Variants in COL14A1 observed in about 807,000 individuals in gnomAD.
COL14A1 encodes the protein collagen alpha-1(XIV) chain.
A neutral mutation model predicts 230.3 loss-of-function variants in COL14A1; 136 were observed. That is an observed-to-expected ratio of 0.59 (90% CI 0.51 to 0.68). The LOEUF (loss-of-function observed/expected upper bound fraction) is 0.68. COL14A1 is among the 30% of genes least tolerant of loss of function. The pLI, the probability that COL14A1 is intolerant of heterozygous loss-of-function variation, is 0.00. For missense variants in COL14A1, 1,976 were observed against 2,215.8 expected, an observed-to-expected ratio of 0.89 and a Z score of 2.17; for synonymous variants, 792 against 784.1, an observed-to-expected ratio of 1.01 and a Z score of -0.17.
chr8:120,308,528 C>T lies in COL14A1; in HGVS notation c.4402-1481C>T, dbSNP rs796672953. Reference sequence around the variant, plus strand: ...TACACAGCAAATAATACAGTAATACCACGGGCAGTATTTTGTATAGATATA... The same window carrying T: ...TACACAGCAAATAATACAGTAATACTACGGGCAGTATTTTGTATAGATATA... On this transcript the variant is annotated intron_variant, in intron 36 of 47. Coordinates refer to ENST00000297848, the MANE Select transcript of COL14A1 (RefSeq NM_021110.4). Among the ~76,000 whole-genome samples, 25 of 152,182 alleles carry T rather than the reference C, an allele frequency of 1.6e-4. 1 individual carries two copies. The highest frequency in any genetic ancestry group is 6.0e-4 in the African/African-American group (25 of 41,516).
chr8:120,131,627 T>C (rs1161405467), intron 1 of COL14A1, among the ~76,000 whole-genome samples: 4 of 152,100 alleles, frequency 2.6e-5, no homozygotes, highest in Non-Finnish European at 5.9e-5. Flanking sequence ...GTTGGGTCCA[T>C]ACTTTGCAAA....
At chr8:120,212,383 T>C in intron 12 of COL14A1, 65 bp from the exon 13 acceptor site, 1 of 1,564,954 alleles carries the variant, frequency 6.4e-7, no homozygotes, top group Non-Finnish European at 8.7e-7. Flanking sequence ...CTTTGTTCTG[T>C]TCCACTCTGA....
At chr8:120,196,568 C>T (rs1817045741) in intron 5 of COL14A1, among the ~76,000 whole-genome samples, 1 of 152,154 alleles carries the variant, frequency 6.6e-6, no homozygotes, top group Non-Finnish European at 1.5e-5. Flanking sequence ...TGTGAACCTG[C>T]CCAGTATTTT....
At chr8:120,302,941 A>G (rs1820761092) in intron 36 of COL14A1, among the ~76,000 whole-genome samples, 1 of 152,116 alleles carries the variant, frequency 6.6e-6, no homozygotes, top group South Asian at 2.1e-4. Flanking sequence ...TTCTCATTGT[A>G]GAGATCTTTC....
At chr8:120,281,613 A>G (rs1026309022) in intron 31 of COL14A1, among the ~76,000 whole-genome samples, 1 of 151,688 alleles carries the variant, frequency 6.6e-6, no homozygotes, top group Non-Finnish European at 1.5e-5. Flanking sequence ...ACTCCCAGCC[A>G]TCTTTCTAAA....
At chr8:120,231,117 C>T (rs1818254770) in intron 18 of COL14A1, among the ~76,000 whole-genome samples, 1 of 152,094 alleles carries the variant, frequency 6.6e-6, no homozygotes, top group Non-Finnish European at 1.5e-5. Flanking sequence ...GTCCACAGAG[C>T]ACTAGTGTGA....
intron 23 of COL14A1, 129 bp downstream of exon 23, chr8:120,255,485 C>A: frequency 1.3e-6 from 1 of 744,178 alleles, no homozygotes. Context: ...TTGTATTGGT[C>A]AGTCATGCTG....
At chr8:120,327,951 A>G (rs1474374352) in intron 40 of COL14A1, among the ~76,000 whole-genome samples, 1 of 151,812 alleles carries the variant, frequency 6.6e-6, no homozygotes, top group Non-Finnish European at 1.5e-5. Flanking sequence ...TTTAGTAGAG[A>G]CAGGGTTTCA....
intron 14 of COL14A1, among the ~76,000 whole-genome samples, chr8:120,224,759 C>T (rs1020880202): frequency 5.9e-5 from 9 of 152,110 alleles, no homozygotes; most frequent in African/African-American, 2.2e-4. Flanking sequence ...CCAGGAGAGC[C>T]CACGCAGTGA....
intron 5 of COL14A1, among the ~76,000 whole-genome samples, chr8:120,193,097 G>A (rs551628889): frequency 3.3e-5 from 5 of 152,290 alleles, no homozygotes; most frequent in Admixed American, 6.5e-5. Flanking sequence ...GAGGAACTGC[G>A]TTCCTTTGGA....
chr8:120,331,347 T>A (rs1360081590), intron 40 of COL14A1, among the ~76,000 whole-genome samples: 1 of 152,168 alleles, frequency 6.6e-6, no homozygotes, highest in Non-Finnish European at 1.5e-5. Flanking sequence ...TTTACGAAAT[T>A]TTATGAATAT....
At chr8:120,136,615 A>G (rs1230761059) in intron 1 of COL14A1, among the ~76,000 whole-genome samples, 1 of 152,058 alleles carries the variant, frequency 6.6e-6, no homozygotes, top group African/African-American at 2.4e-5. Flanking sequence ...ATCTATGTTC[A>G]TAAGGGTTAT....
At chr8:120,296,654 G>C (rs1313515395) in intron 34 of COL14A1, among the ~76,000 whole-genome samples, 1 of 151,938 alleles carries the variant, frequency 6.6e-6, no homozygotes, top group Non-Finnish European at 1.5e-5. Flanking sequence ...AATGTAGGAA[G>C]AAATATAGTA....
chr8:120,201,316 A>G (rs1009216787), intron 8 of COL14A1, among the ~76,000 whole-genome samples: 1 of 152,126 alleles, frequency 6.6e-6, no homozygotes, highest in African/African-American at 2.4e-5. Flanking sequence ...TAGCTGTTAT[A>G]GCTCAGTGTT....
intron 3 of COL14A1, among the ~76,000 whole-genome samples, chr8:120,160,962 G>A (rs1257365813): frequency 6.6e-6 from 1 of 151,964 alleles, no homozygotes; most frequent in Non-Finnish European, 1.5e-5. Flanking sequence ...TCTCAAAGAG[G>A]GACTCTAATA....
chr8:120,314,298 GC>G (rs1294486788), intron 38 of COL14A1, among the ~76,000 whole-genome samples: 1 of 152,150 alleles, frequency 6.6e-6, no homozygotes, highest in Non-Finnish European at 1.5e-5. Context: ...AGCATGTATA[GC>G]CCTTTTTCTC....
intron 45 of COL14A1, among the ~76,000 whole-genome samples, chr8:120,358,178 C>G (rs956866773): frequency 1.1e-4 from 17 of 152,090 alleles, no homozygotes; most frequent in Non-Finnish European, 1.5e-5. Context: ...GTCTATTAGT[C>G]AGTTTGAACA....
chr8:120,191,943 G>A (rs1249413310), intron 5 of COL14A1, among the ~76,000 whole-genome samples: 2 of 151,770 alleles, frequency 1.3e-5, no homozygotes, highest in African/African-American at 4.8e-5. Flanking sequence ...GTATGTCTCT[G>A]CACGTGAGAT....
intron 22 of COL14A1, among the ~76,000 whole-genome samples, chr8:120,251,746 A>C (rs1818969553): frequency 6.6e-6 from 1 of 152,126 alleles, no homozygotes; most frequent in African/African-American, 2.4e-5. Flanking sequence ...ATATTAAAAA[A>C]TATTTTCTCC....
Sources: gnomAD v4.1 joint callset for allele counts (sites outside exome capture counted in the v4.1 genomes callset) on GRCh38, gnomAD v4.1.1 for gene constraint, MANE v1.5 for transcripts, NCBI Gene and HGNC (gene_info 2026-07-23, HGNC 2026-07-21) for gene names.